The following HTR4 variants were observed in gnomAD, a reference collection of about 807,000 sequenced individuals.
HTR4 encodes the protein 5-hydroxytryptamine receptor 4.
A neutral mutation model predicts 36.8 loss-of-function variants in HTR4; 16 were observed. That is an observed-to-expected ratio of 0.43 (90% CI 0.29 to 0.66). HTR4 has a LOEUF of 0.66. HTR4 is among the 30% of genes least tolerant of loss of function. The pLI, the probability that HTR4 is intolerant of heterozygous loss-of-function variation, is 0.13. For synonymous variants in HTR4, 189 were observed against 185.1 expected (o/e 1.02, Z -0.17); for missense variants, 438 against 490.9 (o/e 0.89, Z 1.02).
chr5:148,564,077 T>C (rs965452303), intron 2 of HTR4, among the ~76,000 whole-genome samples: 2 of 152,216 alleles, frequency 1.3e-5, no homozygotes, highest in African/African-American at 4.8e-5. Context: ...CAAAATCTTA[T>C]AATGTCTTCC....
chr5:148,611,130 C>G (rs1441792765), intron 2 of HTR4, among the ~76,000 whole-genome samples: 2 of 146,042 alleles, frequency 1.4e-5, no homozygotes, highest in African/African-American at 5.1e-5. Flanking sequence ...AGAATTTCCC[C>G]AATCTAGCAA....
intron 2 of HTR4, among the ~76,000 whole-genome samples, chr5:148,624,740 G>A (rs562956229): frequency 6.6e-6 from 1 of 152,130 alleles, no homozygotes; most frequent in African/African-American, 2.4e-5. Context: ...GAAGTTTCAG[G>A]GGCATAGAGT....
chr5:148,489,668 G>C (rs1023927493), intron 6 of HTR4, among the ~76,000 whole-genome samples: 1 of 152,078 alleles, frequency 6.6e-6, no homozygotes, highest in African/African-American at 2.4e-5. Flanking sequence ...AATATAATTC[G>C]CTATTTGTTT....
At chr5:148,616,084 T>C (rs1752672324) in intron 2 of HTR4, among the ~76,000 whole-genome samples, 1 of 152,244 alleles carries the variant, frequency 6.6e-6, no homozygotes, top group South Asian at 2.1e-4. Flanking sequence ...GGCCACGTAT[T>C]AGCTCAATGA....
downstream of HTR4, among the ~76,000 whole-genome samples, chr5:148,478,176 T>C (rs1755760289): frequency 6.6e-6 from 1 of 152,214 alleles, no homozygotes; most frequent in South Asian, 2.1e-4. Flanking sequence ...GCCATAGTGC[T>C]GTTGAGAGAA....
At chr5:148,576,272 A>G (rs1223265800) in intron 2 of HTR4, among the ~76,000 whole-genome samples, 1 of 151,964 alleles carries the variant, frequency 6.6e-6, no homozygotes, top group African/African-American at 2.4e-5. Context: ...ATGGAAGTGA[A>G]AGATCTCTGC....
chr5:148,510,848 G>A (rs982816068), intron 5 of HTR4, among the ~76,000 whole-genome samples: 1 of 152,142 alleles, frequency 6.6e-6, no homozygotes, highest in African/African-American at 2.4e-5. Flanking sequence ...TTGTGTTTTA[G>A]TGTAACAGCC....
chr5:148,468,349 C>G (rs1162559247), intron 5 of HTR4, among the ~76,000 whole-genome samples: 1 of 152,196 alleles, frequency 6.6e-6, no homozygotes, highest in Non-Finnish European at 1.5e-5. Context: ...AGAACCCCAG[C>G]TTTCCTCATT....
chr5:148,569,630 T>G (rs186876075), intron 2 of HTR4, among the ~76,000 whole-genome samples: 2 of 151,688 alleles, frequency 1.3e-5, no homozygotes, highest in Non-Finnish European at 2.9e-5. Context: ...AGTTGTGCTA[T>G]ACTTACAATA....
downstream of HTR4, among the ~76,000 whole-genome samples, chr5:148,481,099 G>A (rs930462110): frequency 1.3e-5 from 2 of 152,214 alleles, no homozygotes; most frequent in African/African-American, 4.8e-5. Context: ...CAATGGGTGG[G>A]TGTGTGGGCA....
At chr5:148,568,235 A>G (rs1760531548) in intron 2 of HTR4, among the ~76,000 whole-genome samples, 3 of 152,108 alleles carry the variant, frequency 2.0e-5, no homozygotes, top group African/African-American at 4.8e-5. Flanking sequence ...TTTCTATTTT[A>G]AAGTTTAGGG....
At chr5:148,626,875 G>A (rs1373445177) in intron 2 of HTR4, among the ~76,000 whole-genome samples, 1 of 152,122 alleles carries the variant, frequency 6.6e-6, no homozygotes, top group African/African-American at 2.4e-5. Context: ...CACTAAGTTA[G>A]CCAGCTTTCT....
rs546199149 is a variant in HTR4 at position 148,503,563 on chromosome 5, G to T, written c.1076+5893C>A. Among the ~76,000 whole-genome samples, 126 of 152,230 alleles carry T rather than the reference G, an allele frequency of 8.3e-4. No homozygotes were observed. The Middle Eastern group carries it at 0.017, about 21-fold the overall frequency. The stretch of plus-strand genomic sequence containing the variant: ...ATGCCAAATTGTAAAGACTATCAAG[G>T]CTAGGAAGAAACTGCATCAACTAAC... On this transcript the variant is annotated intron_variant, in intron 6 of 6. Transcript: ENST00000377888.
rs1754982190 is a variant in HTR4 at position 148,451,855 on chromosome 5, A to G, written c.1077-583T>C. ...GTGTTTATTATTTTTCTGCCGTATC[A>G]TACAATTGCACTCAATATCTTAATT... On this transcript the variant is annotated intron_variant, in intron 5 of 5. Coordinates refer to the HTR4 transcript ENST00000521530. Among the ~76,000 whole-genome samples the G allele has an allele frequency of 2.0e-5, 3 of 152,234 alleles. No homozygotes were observed. The South Asian group carries it at 6.2e-4, about 31-fold the overall frequency.
At chr5:148,591,426 A>G (rs771401385) in intron 2 of HTR4, among the ~76,000 whole-genome samples, 1 of 152,204 alleles carries the variant, frequency 6.6e-6, no homozygotes, top group Admixed American at 6.5e-5. Context: ...TTTGGGCAGT[A>G]TAGTCATTTT....
downstream of HTR4, among the ~76,000 whole-genome samples, chr5:148,479,611 A>G (rs1468797715): frequency 6.6e-6 from 1 of 152,230 alleles, no homozygotes; most frequent in Non-Finnish European, 1.5e-5. Flanking sequence ...GTAGATGATC[A>G]TAAAGCCAAA....
chr5:148,492,037 G>T (rs956501089), intron 6 of HTR4, among the ~76,000 whole-genome samples: 3 of 152,240 alleles, frequency 2.0e-5, no homozygotes, highest in African/African-American at 7.2e-5. Flanking sequence ...ACATCACACT[G>T]CCTCTATCTT....
chr5:148,616,596 T>C lies in HTR4; in HGVS notation c.26+20393A>G, dbSNP rs548311068. On this transcript the variant is annotated intron_variant, in intron 2 of 6. Coordinates refer to ENST00000377888, the MANE Select transcript of HTR4 (RefSeq NM_000870.7). The stretch of plus-strand genomic sequence containing the variant: ...AGAAGTCTGCTTTATTTTGTTCCTA[T>C]TACAAAGCAATACATGATCATTAAC... 7.9e-5 allele frequency among the ~76,000 whole-genome samples: 12 copies of C among 152,268 alleles called. No homozygotes were observed. In the South Asian group the frequency reaches 2.3e-3, roughly 29 times the overall value.
intron 2 of HTR4, among the ~76,000 whole-genome samples, chr5:148,554,058 T>A (rs1175488048): frequency 2.0e-5 from 3 of 152,112 alleles, no homozygotes; most frequent in South Asian, 2.1e-4. Context: ...TAAAAAGGAA[T>A]AAAGTTTGTT....
Sources: gnomAD v4.1 joint callset for allele counts (sites outside exome capture counted in the v4.1 genomes callset) on GRCh38, gnomAD v4.1.1 for gene constraint, MANE v1.5 for transcripts, NCBI Gene and HGNC (gene_info 2026-07-23, HGNC 2026-07-21) for gene names.